The following CERS3 variants were observed in gnomAD, a reference collection of about 807,000 sequenced individuals.
The protein encoded by CERS3 is ceramide synthase 3.
CERS3 carries 33 observed loss-of-function variants against 50.3 expected under a neutral mutation model. The observed-to-expected ratio is 0.66, with a 90% CI of 0.50 to 0.88. The LOEUF (loss-of-function observed/expected upper bound fraction) is 0.88, where lower values mean the gene tolerates loss of function less well. Among genes scored for constraint, CERS3 ranks in the 40% least tolerant of loss-of-function variants. The probability of loss-of-function intolerance (pLI) is 0.00; values close to 1 mark genes in which losing one functional copy is unlikely to be tolerated. For synonymous variants in CERS3, 176 were observed against 155.2 expected (o/e 1.13, Z -0.99); for missense variants, 470 against 460.3 (o/e 1.02, Z -0.19).
intron 1 of CERS3, among the ~76,000 whole-genome samples, chr15:100,538,388 T>G (rs530350616): frequency 1.3e-5 from 2 of 152,342 alleles, no homozygotes; most frequent in South Asian, 2.1e-4. Flanking sequence ...AGGTACTCCA[T>G]GAGGGCTCTA....
At chr15:100,526,478 CTGTG>C (rs1217852084) in intron 1 of CERS3, among the ~76,000 whole-genome samples, 28 of 131,550 alleles carry the variant, frequency 2.1e-4, no homozygotes, top group East Asian at 1.1e-3. Flanking sequence ...CCTACATAAA[CTGTG>C]TGTGTGTGTG....
At position 100,417,140 on chromosome 15, in the gene CERS3, T is replaced by C. The variant is rs546657516; in HGVS notation, c.1000-14275A>G. On this transcript the variant is annotated intron_variant, in intron 11 of 11. Coordinates refer to ENST00000679737, the MANE Select transcript of CERS3 (RefSeq NM_001378789.1). ...CTCCCAGCGTGAGCGACGCAGAAGA[T>C]GGGTGATTTCTGCATTTCCATCTGA... Among the ~76,000 whole-genome samples the C allele has an allele frequency of 4.3e-3, 657 of 151,822 alleles. 6 individuals carry two copies. Among genetic ancestry groups the C allele is most frequent in the African/African-American group, 0.015 (626 of 41,266 alleles).
At chr15:100,446,422 T>C (rs2033948368) in intron 11 of CERS3, among the ~76,000 whole-genome samples, 1 of 151,068 alleles carries the variant, frequency 6.6e-6, no homozygotes, top group Non-Finnish European at 1.5e-5. Context: ...CCCATACCTC[T>C]GTGAAGATCT....
rs1310370252 is a variant in CERS3, at chr15:100,420,688, A to C, written c.1000-17823T>G. On this transcript the variant is annotated intron_variant, in intron 11 of 11. Coordinates refer to ENST00000679737, the MANE Select transcript of CERS3 (RefSeq NM_001378789.1). The stretch of plus-strand genomic sequence containing the variant: ...CATTGATGCAAAAATCCTCAATAAA[A>C]TACTGGCAAAACGAATCCAGCAGCA... Among the ~76,000 whole-genome samples, 18 of 151,474 alleles carry C rather than the reference A, an allele frequency of 1.2e-4. No homozygotes were observed. In the South Asian group the frequency reaches 3.8e-3, roughly 32 times the overall value.
intron 10 of CERS3, among the ~76,000 whole-genome samples, chr15:100,466,672 G>C (rs2034727410): frequency 6.6e-6 from 1 of 151,452 alleles, no homozygotes; most frequent in African/African-American, 2.4e-5. Context: ...ACAGCCCCCA[G>C]CTGAAGTCCC....
At chr15:100,412,632 G>C (rs1186806476) in intron 11 of CERS3, among the ~76,000 whole-genome samples, 4 of 152,124 alleles carry the variant, frequency 2.6e-5, no homozygotes, top group Non-Finnish European at 5.9e-5. Context: ...GAAAAATAGA[G>C]CCAATTTTTG....
chr15:100,407,974 T>C (rs1312732943), intron 11 of CERS3, among the ~76,000 whole-genome samples: 2 of 152,098 alleles, frequency 1.3e-5, no homozygotes, highest in East Asian at 3.9e-4. Flanking sequence ...AAGGTTCAAG[T>C]GATTCTCCTG....
In CERS3 at chr15:100,402,756, C is replaced by A. The variant is rs199572545; in HGVS notation, c.1109G>T (p.Arg370Met). 207 of 1,614,020 alleles carry A rather than the reference C, an allele frequency of 1.3e-4. No individual in the cohort carries two copies. The highest frequency in any genetic ancestry group is 2.4e-5 in the Non-Finnish European group (28 of 1,180,028). Residue 370 changes from arginine (R) to methionine (M), a missense_variant, in exon 12 of 12, where the codon AGG becomes ATG. Transcript: ENST00000679737. Reference sequence around the variant, plus strand: ...ATTGGGAATGAGGTGCCTCTCAGCCCTGAGGCCGTTCTTTAAACAATCCAT... The same window carrying A: ...ATTGGGAATGAGGTGCCTCTCAGCCATGAGGCCGTTCTTTAAACAATCCAT... Reference protein sequence around the residue: ...KEMDCLKNGLRAERHLIPNGQ... With the variant: ...KEMDCLKNGLMAERHLIPNGQ...
At chr15:100,476,900 G>A (rs1040897580) in intron 7 of CERS3, among the ~76,000 whole-genome samples, 9 of 152,166 alleles carry the variant, frequency 5.9e-5, no homozygotes, top group Non-Finnish European at 1.5e-5. Context: ...CAAATGTGAT[G>A]CATGCAGAGA....
chr15:100,496,460 G>A (rs550010922), intron 3 of CERS3, among the ~76,000 whole-genome samples: 1 of 152,248 alleles, frequency 6.6e-6, no homozygotes, highest in Non-Finnish European at 1.5e-5. Context: ...TCACTTAAAG[G>A]AAATATTAGA....
chr15:100,525,176 C>G (rs1258700670), intron 1 of CERS3, among the ~76,000 whole-genome samples: 1 of 152,168 alleles, frequency 6.6e-6, no homozygotes, highest in African/African-American at 2.4e-5. Flanking sequence ...CCTGAGCAGA[C>G]AGATTTGGGA....
At chr15:100,484,722 A>G in intron 4 of CERS3, 54 bp from the exon 5 acceptor site, 4 of 1,287,172 alleles carry the variant, frequency 3.1e-6, no homozygotes, top group Non-Finnish European at 4.5e-6. Flanking sequence ...TCAGACTGGC[A>G]GGCAGACAAG....
intron 8 of CERS3, among the ~76,000 whole-genome samples, chr15:100,474,903 C>A (rs2035079139): frequency 6.6e-6 from 1 of 152,080 alleles, no homozygotes. Context: ...TAGCCACCTC[C>A]CAATAGCTTT....
chr15:100,490,427 T>C (rs1448044696), intron 4 of CERS3, among the ~76,000 whole-genome samples: 1 of 152,186 alleles, frequency 6.6e-6, no homozygotes, highest in Non-Finnish European at 1.5e-5. Context: ...TAATGTATTT[T>C]GATGATGCCA....
intron 11 of CERS3, among the ~76,000 whole-genome samples, chr15:100,405,359 A>T (rs1014533104): frequency 8.5e-5 from 13 of 152,198 alleles, no homozygotes; most frequent in African/African-American, 3.1e-4. Flanking sequence ...CAACACCATT[A>T]GTCATTAGGA....
intron 9 of CERS3, among the ~76,000 whole-genome samples, chr15:100,470,809 G>GGT (rs2034945044): frequency 6.6e-6 from 1 of 152,160 alleles, no homozygotes; most frequent in African/African-American, 2.4e-5. Context: ...GTCAAAGAAG[G>GGT]TCACTTACGA....
chr15:100,519,498 A>C (rs1045013219), intron 2 of CERS3, among the ~76,000 whole-genome samples: 1 of 152,244 alleles, frequency 6.6e-6, no homozygotes, highest in African/African-American at 2.4e-5. Flanking sequence ...ACTCCCTGGA[A>C]TATACATACG....
At chr15:100,466,735 T>TC in intron 10 of CERS3, among the ~76,000 whole-genome samples, 2 of 137,298 alleles carry the variant, frequency 1.5e-5, no homozygotes, top group African/African-American at 5.5e-5. Context: ...CTTCTTTCCT[T>TC]CTTTCCTTCC....
chr15:100,485,738 C>T (rs908132957), intron 4 of CERS3, among the ~76,000 whole-genome samples: 1 of 152,038 alleles, frequency 6.6e-6, no homozygotes, highest in Non-Finnish European at 1.5e-5. Context: ...GTGGTGGGCT[C>T]CTGTGATCCC....
Sources: gnomAD v4.1 joint callset for allele counts (sites outside exome capture counted in the v4.1 genomes callset) on GRCh38, gnomAD v4.1.1 for gene constraint, MANE v1.5 for transcripts, NCBI Gene and HGNC (gene_info 2026-07-23, HGNC 2026-07-21) for gene names.